The following TRIM44 variants were observed in gnomAD, a reference collection of about 807,000 sequenced individuals.
TRIM44 encodes the protein tripartite motif containing 44, also known as tripartite motif-containing protein 44.
A neutral mutation model predicts 37.4 loss-of-function variants in TRIM44; 13 were observed. The ratio of observed to expected loss-of-function variants is 0.35; its 90% confidence interval spans 0.23 to 0.55. TRIM44 has a LOEUF of 0.55. Ranked by LOEUF, TRIM44 falls within the 20% of genes least tolerant of loss-of-function variation. TRIM44 has a pLI of 0.89. For missense variants in TRIM44, 426 were observed against 437.2 expected (o/e 0.97, Z 0.23); for synonymous variants, 175 against 157.2 (o/e 1.11, Z -0.85).
intron 4 of TRIM44, among the ~76,000 whole-genome samples, chr11:35,759,022 A>G (rs1018367776): frequency 1.3e-5 from 2 of 151,914 alleles, no homozygotes; most frequent in African/African-American, 2.4e-5. Context: ...CATTCTCTGT[A>G]TTTCCTGAAT....
At chr11:35,664,416 A>T (rs1400173071) in intron 1 of TRIM44, among the ~76,000 whole-genome samples, 1 of 152,218 alleles carries the variant, frequency 6.6e-6, no homozygotes, top group Non-Finnish European at 1.5e-5. Flanking sequence ...AACAGTGGAC[A>T]CTTCGGAAAT....
intron 2 of TRIM44, among the ~76,000 whole-genome samples, chr11:35,701,714 CAA>C (rs1851791162): frequency 1.3e-5 from 2 of 152,118 alleles, no homozygotes; most frequent in Admixed American, 1.3e-4. Flanking sequence ...CTCTTTATGA[CAA>C]AACAATACAG....
In TRIM44 at chr11:35,814,585, C is replaced by G. The variant is rs1853561190; in HGVS notation, c.*8200C>G. 1 of 152,172 alleles carries G rather than the reference C, an allele frequency of 6.6e-6. No homozygotes were observed. The highest frequency in any genetic ancestry group is 1.5e-5 in the Non-Finnish European group (1 of 68,032). The allele number at this position is 152,172 out of a possible 1,614,324, so 9.4% of individuals were successfully genotyped here. On this transcript the variant is annotated 3_prime_UTR_variant, in exon 5 of 5. Coordinates refer to ENST00000299413, the MANE Select transcript of TRIM44 (RefSeq NM_017583.6). ...GAACTATCTTTTCTCCCATGATGCA[C>G]TGCTTTCAACACTGCATGACTGTAA... is the stretch of plus-strand genomic sequence containing the variant.
intron 2 of TRIM44, among the ~76,000 whole-genome samples, chr11:35,707,553 A>G (rs1284496607): frequency 1.3e-5 from 2 of 151,568 alleles, no homozygotes; most frequent in African/African-American, 4.8e-5. Flanking sequence ...TGGTACTGGT[A>G]CCAAAACAGA....
chr11:35,757,427 T>C (rs913215309), intron 4 of TRIM44, among the ~76,000 whole-genome samples: 17 of 152,180 alleles, frequency 1.1e-4, no homozygotes, highest in Admixed American at 5.9e-4. Context: ...TCTATCAATT[T>C]TGTTGATTTT....
intron 4 of TRIM44, among the ~76,000 whole-genome samples, chr11:35,737,792 T>G (rs1418135954): frequency 6.6e-6 from 1 of 151,480 alleles, no homozygotes; most frequent in African/African-American, 2.4e-5. Context: ...GCCGAGATTG[T>G]GCCATTGCAT....
intron 4 of TRIM44, among the ~76,000 whole-genome samples, chr11:35,776,939 G>C (rs923703234): frequency 6.6e-6 from 1 of 152,042 alleles, no homozygotes; most frequent in Non-Finnish European, 1.5e-5. Context: ...CTGTTGATTT[G>C]GGGTGGAGAG....
intron 2 of TRIM44, among the ~76,000 whole-genome samples, chr11:35,711,469 T>G (rs998808881): frequency 3.8e-5 from 2 of 52,140 alleles, no homozygotes; most frequent in South Asian, 4.1e-4. Flanking sequence ...AGATTTTTTG[T>G]TTTTTTTTTT....
At chr11:35,761,506 G>A (rs555230600) in intron 4 of TRIM44, among the ~76,000 whole-genome samples, 21 of 152,058 alleles carry the variant, frequency 1.4e-4, no homozygotes, top group African/African-American at 4.1e-4. Context: ...GATCACAGCC[G>A]TAACAGCTAA....
chr11:35,802,601 A>G (rs1416853640), intron 4 of TRIM44, among the ~76,000 whole-genome samples: 1 of 152,178 alleles, frequency 6.6e-6, no homozygotes, highest in East Asian at 1.9e-4. Flanking sequence ...ACATACCACA[A>G]GGGTATCCAT....
At chr11:35,750,971 T>TA (rs139936432) in intron 4 of TRIM44, among the ~76,000 whole-genome samples, 9 of 152,010 alleles carry the variant, frequency 5.9e-5, no homozygotes, top group Non-Finnish European at 1.2e-4. Context: ...TAATTCCATT[T>TA]AAAAAATATC....
intron 1 of TRIM44, among the ~76,000 whole-genome samples, chr11:35,672,164 A>C (rs895263817): frequency 2.0e-5 from 3 of 152,214 alleles, no homozygotes; most frequent in African/African-American, 7.2e-5. Context: ...AATTTTTAAA[A>C]TTATTTTGAA....
rs569177395 is a variant in TRIM44 at position 35,685,283 on chromosome 11, G to A, written c.694G>A (p.Ala232Thr). ...GAGCAAAGACTCAGGTGGACTGAAG[G>A]CCGCTATGATCGAATTGGTGGAAAG... ...LRSKDSGGLK[A>T]AMIELVERLK... The change falls in exon 2 of 5, where the codon GCC becomes ACC. Residue 232 changes from alanine (A) to threonine (T), a missense_variant. This residue lies in a region of TRIM44 where 331 missense variants were observed against 303.0 expected (regional missense o/e 1.09). Coordinates refer to ENST00000299413, the MANE Select transcript of TRIM44 (RefSeq NM_017583.6). The A allele has an allele frequency of 7.4e-6, 12 of 1,614,216 alleles. No homozygotes were observed. In the South Asian group the frequency reaches 1.3e-4, roughly 18 times the overall value.
At chr11:35,733,055 A>AG (rs1852282794) in intron 3 of TRIM44, among the ~76,000 whole-genome samples, 2 of 152,200 alleles carry the variant, frequency 1.3e-5, no homozygotes, top group South Asian at 4.1e-4. Flanking sequence ...TATTTGTTGA[A>AG]CGATTACAAG....
chr11:35,674,387 C>G (rs1851436637), intron 1 of TRIM44, among the ~76,000 whole-genome samples: 2 of 152,068 alleles, frequency 1.3e-5, no homozygotes, highest in African/African-American at 2.4e-5. Flanking sequence ...AATGAAAAAA[C>G]CAAAACCAAC....
At chr11:35,757,626 G>A (rs1852662703) in intron 4 of TRIM44, among the ~76,000 whole-genome samples, 1 of 152,118 alleles carries the variant, frequency 6.6e-6, no homozygotes, top group African/African-American at 2.4e-5. Flanking sequence ...GCTTTCTCTT[G>A]TGGGCATTTA....
chr11:35,806,658 C>T lies in TRIM44; in HGVS notation c.*273C>T. The stretch of plus-strand genomic sequence containing the variant: ...AAGAAAGGTCCTTCAGGTAATCCCT[C>T]AATGGCTGCTTTGAACTTACTCAGG... On this transcript the variant is annotated 3_prime_UTR_variant, in exon 5 of 5. Coordinates refer to ENST00000299413, the MANE Select transcript of TRIM44 (RefSeq NM_017583.6). The T allele has an allele frequency of 2.4e-6, 1 of 414,222 alleles. No homozygotes were observed. Among genetic ancestry groups the T allele is most frequent in the Non-Finnish European group, 4.3e-6 (1 of 231,146 alleles). 25.7% of individuals were successfully genotyped at this position (414,222 alleles called of 1,614,324 possible). A position where few individuals can be genotyped will look rare whatever the true frequency, so the allele number is the denominator to read the frequency against.
At chr11:35,737,977 A>G (rs1174959906) in intron 4 of TRIM44, among the ~76,000 whole-genome samples, 1 of 152,198 alleles carries the variant, frequency 6.6e-6, no homozygotes, top group African/African-American at 2.4e-5. Flanking sequence ...GTTTAGATGC[A>G]CTTTAAACTA....
chr11:35,770,374 A>G (rs1472204820), intron 4 of TRIM44, among the ~76,000 whole-genome samples: 1 of 152,178 alleles, frequency 6.6e-6, no homozygotes. Context: ...CTAAGAGCGC[A>G]TGTAACTTTT....
Sources: gnomAD v4.1 joint callset for allele counts (sites outside exome capture counted in the v4.1 genomes callset) on GRCh38, gnomAD v4.1.1 for gene constraint, gnomAD v4.1.1 regional missense constraint, MANE v1.5 for transcripts, NCBI Gene and HGNC (gene_info 2026-07-23, HGNC 2026-07-21) for gene names.